MYO1E: variants seen among roughly 807,000 people sequenced by gnomAD.
The protein encoded by MYO1E is unconventional myosin-Ie.
Under a neutral mutation model 151.1 loss-of-function variants are expected in MYO1E, and 68 were observed. The ratio of observed to expected loss-of-function variants is 0.45; its 90% CI spans 0.37 to 0.55. MYO1E has a LOEUF of 0.55. MYO1E is among the 20% of genes least tolerant of loss of function. The probability of loss-of-function intolerance (pLI) is 0.00; values close to 1 mark genes in which losing one functional copy is unlikely to be tolerated. For synonymous variants in MYO1E, 601 were observed against 501.7 expected, an observed-to-expected ratio of 1.20 and a Z score of -2.64; for missense variants, 1,363 against 1,389.3, an observed-to-expected ratio of 0.98 and a Z score of 0.30.
rs528776626 is a variant in MYO1E at position 59,300,172 on chromosome 15, C to G, written c.4-27723G>C. Among the ~76,000 whole-genome samples the G allele has an allele frequency of 3.3e-5, 5 of 152,288 alleles. 1 individual carries two copies. The highest frequency in any genetic ancestry group is 1.2e-4 in the African/African-American group (5 of 41,558). On this transcript the variant is annotated intron_variant, in intron 1 of 27. Transcript: ENST00000288235. The stretch of plus-strand genomic sequence containing the variant: ...GGCTTTGGGTCCTCTTGAATCTCTT[C>G]TAGATGAAAATCTTGGGCAGTTCTT...
intron 1 of MYO1E, among the ~76,000 whole-genome samples, chr15:59,290,804 C>A (rs2140396475): frequency 6.6e-6 from 1 of 152,296 alleles, no homozygotes; most frequent in Middle Eastern, 3.4e-3. Context: ...CACTCTCAAC[C>A]CTGCAAAGTC....
intron 17 of MYO1E, among the ~76,000 whole-genome samples, chr15:59,194,210 T>C (rs1167840642): frequency 1.3e-5 from 2 of 151,934 alleles, no homozygotes; most frequent in Non-Finnish European, 2.9e-5. Flanking sequence ...TATGCATCTA[T>C]GGATGAGATT....
chr15:59,256,181 T>G, intron 4 of MYO1E, 103 bp downstream of exon 4: 1 of 834,336 alleles, frequency 1.2e-6, no homozygotes. Flanking sequence ...AACCAGGCTG[T>G]GACATCAGTA....
chr15:59,268,516 T>C (rs79034504), intron 2 of MYO1E, among the ~76,000 whole-genome samples: 1,682 of 152,204 alleles, frequency 0.011, 27 homozygotes, highest in African/African-American at 0.038. Context: ...AGTCAACAAA[T>C]TGTCAATGAA....
chr15:59,366,717 T>C (rs990423983), intron 1 of MYO1E, among the ~76,000 whole-genome samples: 1 of 151,938 alleles, frequency 6.6e-6, no homozygotes, highest in Non-Finnish European at 1.5e-5. Flanking sequence ...CAAAGATATA[T>C]GAAAAAAATA....
chr15:59,284,539 T>C (rs2080376044), intron 1 of MYO1E, among the ~76,000 whole-genome samples: 1 of 151,212 alleles, frequency 6.6e-6, no homozygotes, highest in African/African-American at 2.4e-5. Flanking sequence ...GGCCTCAACC[T>C]CCAGGGCTCA....
chr15:59,229,457 C>T (rs1179656120), intron 6 of MYO1E, among the ~76,000 whole-genome samples: 3 of 152,132 alleles, frequency 2.0e-5, no homozygotes, highest in African/African-American at 7.2e-5. Context: ...AAATTTCTAA[C>T]AAAAGGTTAA....
intron 18 of MYO1E, among the ~76,000 whole-genome samples, chr15:59,180,162 G>GATA (rs2079649770): frequency 6.6e-6 from 1 of 152,170 alleles, no homozygotes; most frequent in Admixed American, 6.5e-5. Context: ...CCTAATTAGA[G>GATA]ATAAAAAGCT....
intron 11 of MYO1E, 130 bp from the exon 12 acceptor site, chr15:59,214,444 A>C (rs570639125): frequency 2.2e-6 from 2 of 895,560 alleles, no homozygotes; most frequent in Admixed American, 4.4e-5. Context: ...AAAAGAAATA[A>C]GTTTATATTT....
rs144422900 is a variant in MYO1E, at chr15:59,268,873, T to C, written c.147+3433A>G. Among the ~76,000 whole-genome samples the C allele has an allele frequency of 9.9e-5, 15 of 151,900 alleles. No individual in the cohort carries two copies. The East Asian group carries it at 1.2e-3, about 12-fold the overall frequency. On this transcript the variant is annotated intron_variant, in intron 2 of 27. Coordinates refer to ENST00000288235, the MANE Select transcript of MYO1E (RefSeq NM_004998.4). ...GTGTTTTGGGAGTAAACAATCGTGA[T>C]TGGGAGGAGTGAGGCCGCCTGGAGT...
chr15:59,355,271 G>T (rs1474085896), intron 1 of MYO1E, among the ~76,000 whole-genome samples: 2 of 152,120 alleles, frequency 1.3e-5, no homozygotes, highest in Non-Finnish European at 2.9e-5. Flanking sequence ...ACTTCCAATT[G>T]GCAGGAGGGC....
chr15:59,158,432 T>A (rs1396018944), intron 24 of MYO1E, 53 bp from the exon 25 acceptor site: 8 of 1,387,134 alleles, frequency 5.8e-6, no homozygotes, highest in African/African-American at 1.4e-5. Flanking sequence ...GTTTTATGGA[T>A]CCTCATGGTT....
intron 22 of MYO1E, 126 bp from the exon 23 acceptor site, chr15:59,163,429 A>C (rs1596347646): frequency 1.1e-6 from 1 of 951,192 alleles, no homozygotes; most frequent in Non-Finnish European, 1.6e-6. Context: ...TTCTTTCTAT[A>C]AGTAATAATC....
At chr15:59,312,337 A>G (rs6494097) in intron 1 of MYO1E, among the ~76,000 whole-genome samples, 116,156 of 152,084 alleles carry the variant, frequency 0.76, 44,661 homozygotes, top group South Asian at 0.89. Flanking sequence ...GTGTGCACTA[A>G]TCAGGAAAGG....
At chr15:59,356,286 C>T (rs2080852135) in intron 1 of MYO1E, among the ~76,000 whole-genome samples, 7 of 151,178 alleles carry the variant, frequency 4.6e-5, no homozygotes, top group Admixed American at 4.6e-4. Context: ...CCTCACCATT[C>T]CATCTTTCCG....
chr15:59,223,821 T>A (rs766616268), intron 8 of MYO1E, among the ~76,000 whole-genome samples: 2 of 152,234 alleles, frequency 1.3e-5, no homozygotes, highest in African/African-American at 2.4e-5. Context: ...AAACATCTCC[T>A]AAGAAAACTA....
chr15:59,289,055 G>C (rs535488520), intron 1 of MYO1E, among the ~76,000 whole-genome samples: 1 of 152,256 alleles, frequency 6.6e-6, no homozygotes, highest in East Asian at 1.9e-4. Context: ...CGATTAAGCA[G>C]TGCAAAACTT....
At chr15:59,189,354 C>T (rs148739897) in intron 17 of MYO1E, among the ~76,000 whole-genome samples, 1,775 of 152,226 alleles carry the variant, frequency 0.012, 48 homozygotes, top group African/African-American at 0.038. Flanking sequence ...CCACTGTACT[C>T]GGCGTGTTTC....
Position 59,329,192 on chromosome 15 carries a change from G to T in MYO1E, c.3+43306C>A, listed in dbSNP as rs1216292547. Among the ~76,000 whole-genome samples the T allele has an allele frequency of 2.6e-5, 4 of 152,152 alleles. No homozygotes were observed. The East Asian group carries it at 5.8e-4, about 22-fold the overall frequency. ...ATGCCAGACACTGCTGGAGGCACTG[G>T]GAAGACAGCTCCTCCATGGAGCTTA... On this transcript the variant is annotated intron_variant, in intron 1 of 27. Transcript: ENST00000288235.
Sources: gnomAD v4.1 joint callset for allele counts (sites outside exome capture counted in the v4.1 genomes callset) on GRCh38, gnomAD v4.1.1 for gene constraint, MANE v1.5 for transcripts, NCBI Gene and HGNC (gene_info 2026-07-23, HGNC 2026-07-21) for gene names.